The following CTNNA2 variants were observed in gnomAD, a reference collection of about 807,000 sequenced individuals.
CTNNA2 encodes the protein catenin alpha-2.
A neutral mutation model predicts 101.0 loss-of-function variants in CTNNA2; 42 were observed. The ratio of observed to expected loss-of-function variants is 0.42; its 90% CI spans 0.32 to 0.54. The LOEUF is 0.54. Among genes scored for constraint, CTNNA2 ranks in the 20% least tolerant of loss-of-function variants. The pLI, the probability that CTNNA2 is intolerant of heterozygous loss-of-function variation, is 0.14. For missense variants in CTNNA2, 871 were observed against 1,223.1 expected (o/e 0.71, Z 4.29); for synonymous variants, 450 against 456.4 (o/e 0.99, Z 0.18).
At chr2:79,887,859 C>G (rs1016004066) in intron 6 of CTNNA2, among the ~76,000 whole-genome samples, 1 of 152,076 alleles carries the variant, frequency 6.6e-6, no homozygotes, top group Non-Finnish European at 1.5e-5. Flanking sequence ...GCAAATTAAA[C>G]TCATCAAAAC....
chr2:79,581,590 T>C (rs1215950572), intron 1 of CTNNA2, among the ~76,000 whole-genome samples: 1 of 152,146 alleles, frequency 6.6e-6, no homozygotes, highest in Non-Finnish European at 1.5e-5. Context: ...CTTCCCATTT[T>C]TTTCACCTAA....
intron 9 of CTNNA2, among the ~76,000 whole-genome samples, chr2:80,440,932 G>A (rs1682506277): frequency 6.6e-6 from 1 of 152,112 alleles, no homozygotes; most frequent in South Asian, 2.1e-4. Flanking sequence ...AGGGTTACTT[G>A]GAAGCACCGG....
Position 80,263,599 on chromosome 2 carries a change from G to A in CTNNA2, c.1057-129612G>A, listed in dbSNP as rs139885021. On this transcript the variant is annotated intron_variant, in intron 7 of 18. Transcript: ENST00000402739. ...GATCCACCTGCCTCGGCCTCCCAAA[G>A]TGCAGGGATTACAGGCGTGAGCCAC... 9.4e-3 allele frequency among the ~76,000 whole-genome samples: 1,427 copies of A among 152,256 alleles called. 22 individuals are homozygous for A. Among genetic ancestry groups the A allele is most frequent in the African/African-American group, 0.033 (1,354 of 41,550 alleles).
At chr2:79,690,974 TAAG>T (rs576529557) in intron 2 of CTNNA2, among the ~76,000 whole-genome samples, 241 of 152,036 alleles carry the variant, frequency 1.6e-3, no homozygotes, top group African/African-American at 4.7e-3. Context: ...TCATATGTAA[TAAG>T]AAAAAATACA....
intron 7 of CTNNA2, among the ~76,000 whole-genome samples, chr2:80,031,845 T>C (rs1177339148): frequency 6.6e-6 from 1 of 152,226 alleles, no homozygotes; most frequent in Admixed American, 6.5e-5. Flanking sequence ...CTACAGATAG[T>C]GACTAAGCAT....
chr2:80,380,780 G>A (rs1208926471), intron 7 of CTNNA2, among the ~76,000 whole-genome samples: 1 of 152,146 alleles, frequency 6.6e-6, no homozygotes, highest in Non-Finnish European at 1.5e-5. Flanking sequence ...GATGTAATAT[G>A]CATTCTCAAG....
intron 4 of CTNNA2, among the ~76,000 whole-genome samples, chr2:79,483,880 A>C (rs560536590): frequency 2.0e-5 from 3 of 152,312 alleles, no homozygotes; most frequent in Non-Finnish European, 2.9e-5. Flanking sequence ...ATGTGTGTAC[A>C]AATGTCTTTT....
Position 79,363,520 on chromosome 2 carries a change from G to A in CTNNA2, c.-317-10311G>A, listed in dbSNP as rs151046109. Among the ~76,000 whole-genome samples, 962 of 150,950 alleles carry A rather than the reference G, an allele frequency of 6.4e-3. 2 individuals are homozygous for A. The highest frequency in any genetic ancestry group is 0.01 in the Non-Finnish European group (688 of 67,872). Reference sequence around the variant, plus strand: ...TGGTCTAGTATCTGTCTCTTTGTAGGTATTTATTACATTTAACTTTATTTT... The same window carrying A: ...TGGTCTAGTATCTGTCTCTTTGTAGATATTTATTACATTTAACTTTATTTT... On this transcript the variant is annotated intron_variant, in intron 3 of 21. Coordinates refer to the CTNNA2 transcript ENST00000466387.
At chr2:79,231,158 G>A (rs998932840) in intron 2 of CTNNA2, among the ~76,000 whole-genome samples, 1 of 152,064 alleles carries the variant, frequency 6.6e-6, no homozygotes, top group Admixed American at 6.6e-5. Context: ...ATTTGGGAGG[G>A]GCCAGGGAAG....
In CTNNA2 at chr2:79,770,618, C is replaced by A. The variant is rs146830958; in HGVS notation, c.298+26036C>A. 2.0e-4 allele frequency among the ~76,000 whole-genome samples: 30 copies of A among 152,074 alleles called. No homozygotes were observed. In the East Asian group the frequency reaches 5.6e-3, roughly 28 times the overall value. On this transcript the variant is annotated intron_variant, in intron 3 of 18. Transcript: ENST00000402739. ...GGCAAATGTCAGTATTTAACATTTGCAAAATATGGGCAAACTATTTTAAAA... is the reference window on the plus strand; with the variant it reads ...GGCAAATGTCAGTATTTAACATTTGAAAAATATGGGCAAACTATTTTAAAA...
At chr2:80,296,524 C>G (rs941668284) in intron 7 of CTNNA2, among the ~76,000 whole-genome samples, 1 of 152,170 alleles carries the variant, frequency 6.6e-6, no homozygotes, top group Admixed American at 6.5e-5. Flanking sequence ...TGCTGATTAT[C>G]AGTGAACCTA....
intron 9 of CTNNA2, among the ~76,000 whole-genome samples, chr2:80,461,248 G>T (rs914080491): frequency 6.6e-6 from 1 of 152,110 alleles, no homozygotes; most frequent in Non-Finnish European, 1.5e-5. Context: ...GTCTGATGAA[G>T]TTCCTTATCC....
At chr2:80,232,354 T>TG (rs1709293322) in intron 7 of CTNNA2, among the ~76,000 whole-genome samples, 1 of 14,778 alleles carries the variant, frequency 6.8e-5, no homozygotes, top group Non-Finnish European at 1.4e-4. Flanking sequence ...TGTTTTTTTT[T>TG]TTTTTTTTTT....
chr2:80,474,180 C>T (rs1471330809), intron 9 of CTNNA2, among the ~76,000 whole-genome samples: 1 of 152,160 alleles, frequency 6.6e-6, no homozygotes, highest in African/African-American at 2.4e-5. Context: ...TAAGAAGGTA[C>T]ATCAGAAGAA....
chr2:79,293,129 T>G (rs1675871149), intron 2 of CTNNA2: 2 of 152,240 alleles, frequency 1.3e-5, no homozygotes, highest in South Asian at 2.1e-4. Flanking sequence ...CTGGTGGGTC[T>G]TTCTTGAGTG....
upstream of CTNNA2, among the ~76,000 whole-genome samples, chr2:79,512,441 A>AT (rs1488699566): frequency 2.0e-5 from 3 of 151,712 alleles, no homozygotes; most frequent in Non-Finnish European, 4.4e-5. Context: ...GGGACTCCAC[A>AT]TCCCAACAAA....
At chr2:80,583,298 C>T (rs6547316) in intron 14 of CTNNA2, among the ~76,000 whole-genome samples, 55,551 of 151,938 alleles carry the variant, frequency 0.37, 10,347 homozygotes, top group East Asian at 0.57. Flanking sequence ...AAATCCTTTC[C>T]GATCACATGA....
intron 3 of CTNNA2, among the ~76,000 whole-genome samples, chr2:79,760,620 C>T (rs1672726882): frequency 6.6e-6 from 1 of 152,180 alleles, no homozygotes; most frequent in Non-Finnish European, 1.5e-5. Context: ...TAGAAAGCAA[C>T]AACTTAGCTT....
intron 7 of CTNNA2, among the ~76,000 whole-genome samples, chr2:80,016,365 A>G (rs1694148645): frequency 6.6e-6 from 1 of 152,240 alleles, no homozygotes; most frequent in South Asian, 2.1e-4. Flanking sequence ...CAGGCTGCTC[A>G]GAAGGAAGGA....
Sources: allele counts gnomAD v4.1 joint callset (sites outside exome capture counted in the v4.1 genomes callset), GRCh38; gene constraint gnomAD v4.1.1; transcripts MANE v1.5; gene names NCBI Gene and HGNC (gene_info 2026-07-23, HGNC 2026-07-21).